Variants in GPRIN3 observed in about 807,000 individuals in gnomAD.
GPRIN3 encodes GPRIN family member 3, also known as G protein-regulated inducer of neurite outgrowth 3.
In GPRIN3, 12 loss-of-function variants were observed where a neutral mutation model predicts 13.7. The ratio of observed to expected loss-of-function variants is 0.87; its 90% CI spans 0.56 to 1.42. The LOEUF (loss-of-function observed/expected upper bound fraction) is 1.42. Among genes scored for constraint, GPRIN3 ranks in the 40% most tolerant of loss-of-function variants. GPRIN3 has a pLI of 0.00. For missense variants in GPRIN3, 1,009 were observed against 958.7 expected, an observed-to-expected ratio of 1.05 and a Z score of -0.69; for synonymous variants, 377 against 372.7, an observed-to-expected ratio of 1.01 and a Z score of -0.13.
At chr4:89,278,314 G>GC (rs1724150854) in intron 1 of GPRIN3, among the ~76,000 whole-genome samples, 1 of 152,148 alleles carries the variant, frequency 6.6e-6, no homozygotes, top group Non-Finnish European at 1.5e-5. Context: ...CCAAAATTCT[G>GC]TAAAAACATG....
Position 89,239,162 on chromosome 4 carries a change from A to G in GPRIN3, c.*8618T>C, listed in dbSNP as rs2149244874. On this transcript the variant is annotated 3_prime_UTR_variant, in exon 2 of 2. Transcript: ENST00000609438. ...TATAATGTAGACATTATAAAAAAAC[A>G]TAACTTTGGATTTTAATATTAATAC... is the stretch of plus-strand genomic sequence containing the variant. 1 of 152,284 alleles carries G rather than the reference A, an allele frequency of 6.6e-6. No homozygotes were observed. Among genetic ancestry groups the G allele is most frequent in the Non-Finnish European group, 1.5e-5 (1 of 67,990 alleles). 9.4% of individuals were successfully genotyped at this position (152,284 alleles called of 1,614,324 possible). A position where few individuals can be genotyped will look rare whatever the true frequency, so the allele number is the denominator to read the frequency against.
intron 1 of GPRIN3, among the ~76,000 whole-genome samples, chr4:89,304,077 T>C (rs1446075116): frequency 6.6e-6 from 1 of 152,164 alleles, no homozygotes; most frequent in Non-Finnish European, 1.5e-5. Context: ...GGTCCATCCA[T>C]CTTTTATAAA....
In GPRIN3 at chr4:89,249,290, G is replaced by A; in HGVS notation, c.821C>T (p.Pro274Leu). 6.2e-7 allele frequency: 1 copy of A among 1,614,124 alleles called. No individual in the cohort carries two copies. The highest frequency in any genetic ancestry group is 1.1e-5 in the South Asian group (1 of 91,076). Residue 274 changes from proline to leucine, a missense_variant, in exon 2 of 2, where the codon CCT becomes CTT. Physicochemically the swap from Pro to Leu is moderately conservative, Grantham distance 98 (BLOSUM62 -3). Coordinates refer to ENST00000609438, the MANE Select transcript of GPRIN3 (RefSeq NM_198281.3). ...CTCTGGACCTGGGGGACATGCCGAA[G>A]GTTCGCTAGTGAGGGGGGTTGGTTG... The part of the protein sequence containing the change: ...TPQPTPLTSE[P>L]SACPPGPEKV...
chr4:89,272,130 T>C (rs1009931413), intron 1 of GPRIN3, among the ~76,000 whole-genome samples: 2 of 152,198 alleles, frequency 1.3e-5, no homozygotes, highest in African/African-American at 4.8e-5. Context: ...TTGTAAGCTA[T>C]GCAGTCTGTG....
chr4:89,259,824 C>T (rs1293951781), intron 1 of GPRIN3, among the ~76,000 whole-genome samples: 4 of 152,182 alleles, frequency 2.6e-5, no homozygotes, highest in African/African-American at 9.7e-5. Context: ...CCCTGCTATG[C>T]CATAATAGGC....
rs767364379 is a variant in GPRIN3 at position 89,247,916 on chromosome 4, C to A, written c.2195G>T (p.Arg732Leu). ...KLIKTQNSQT[R>L]RSISSDTSSN... The stretch of plus-strand genomic sequence containing the variant: ...AGAAGTATCTGAGGAAATGGATCTC[C>A]GGGTCTGGCTATTTTGAGTTTTGAT... Residue 732 changes from arginine to leucine, a missense_variant, in exon 2 of 2, where the codon CGG (arginine) becomes CTG (leucine). Physicochemically the swap from Arg to Leu is moderately radical, Grantham distance 102 (BLOSUM62 -2). Transcript: ENST00000609438. 13 of 1,614,028 alleles carry A rather than the reference C, an allele frequency of 8.1e-6. No individual in the cohort carries two copies. Among genetic ancestry groups the A allele is most frequent in the Non-Finnish European group, 9.3e-6 (11 of 1,180,032 alleles).
intron 1 of GPRIN3, among the ~76,000 whole-genome samples, chr4:89,256,434 A>G (rs1723467542): frequency 6.6e-6 from 1 of 152,274 alleles, no homozygotes; most frequent in African/African-American, 2.4e-5. Context: ...CATGCTGCCT[A>G]TTTTCATAAC....
chr4:89,271,690 G>C (rs371543337), intron 1 of GPRIN3, among the ~76,000 whole-genome samples: 48 of 152,100 alleles, frequency 3.2e-4, no homozygotes, highest in African/African-American at 1.1e-3. Flanking sequence ...GGCTGTATTG[G>C]GGGTAGTGGA....
At chr4:89,265,659 C>CA (rs1723760740) in intron 1 of GPRIN3, among the ~76,000 whole-genome samples, 1 of 152,076 alleles carries the variant, frequency 6.6e-6, no homozygotes, top group South Asian at 2.1e-4. Flanking sequence ...GTTTCCCTTC[C>CA]AAAAAATTTC....
At chr4:89,277,447 G>A (rs975669593) in intron 1 of GPRIN3, among the ~76,000 whole-genome samples, 3 of 152,128 alleles carry the variant, frequency 2.0e-5, no homozygotes, top group East Asian at 1.9e-4. Context: ...GCTGACCCTC[G>A]TTCCGCCCAC....
chr4:89,293,945 A>T (rs1389866924), intron 1 of GPRIN3, among the ~76,000 whole-genome samples: 1 of 152,174 alleles, frequency 6.6e-6, no homozygotes, highest in Non-Finnish European at 1.5e-5. Flanking sequence ...TTTCTTTTTT[A>T]AAATTTATGA....
intron 1 of GPRIN3, among the ~76,000 whole-genome samples, chr4:89,267,856 C>T (rs1164635087): frequency 3.9e-5 from 6 of 152,124 alleles, no homozygotes; most frequent in Admixed American, 2.6e-4. Context: ...TCCACTTATT[C>T]GGGAAAGGGT....
rs930481585 is a variant in GPRIN3 at position 89,243,617 on chromosome 4, T to A, written c.*4163A>T. 7 of 152,094 alleles carry A rather than the reference T, an allele frequency of 4.6e-5. No homozygotes were observed. The highest frequency in any genetic ancestry group is 1.4e-4 in the African/African-American group (6 of 41,388). 9.4% of individuals were successfully genotyped at this position (152,094 alleles called of 1,614,324 possible). On this transcript the variant is annotated 3_prime_UTR_variant, in exon 2 of 2. Coordinates refer to ENST00000609438, the MANE Select transcript of GPRIN3 (RefSeq NM_198281.3). Reference sequence around the variant, plus strand: ...CTCACTTATGCAAGATACTGCTGAGTTCACTGTTCTACCACAAAGGGAAAT... The same window carrying A: ...CTCACTTATGCAAGATACTGCTGAGATCACTGTTCTACCACAAAGGGAAAT...
chr4:89,240,876 T>C lies in GPRIN3; in HGVS notation c.*6904A>G, dbSNP rs982043096. 1.3e-5 allele frequency: 2 copies of C among 152,250 alleles called. No homozygotes were observed. Among genetic ancestry groups the C allele is most frequent in the African/African-American group, 4.8e-5 (2 of 41,472 alleles). The allele number at this position is 152,250 out of a possible 1,614,324, so 9.4% of individuals were successfully genotyped here. Reference sequence around the variant, plus strand: ...TGTGGATAAGCTATTTACATTTTTATGTGTAGAAAATGAAAAATATATATT... The same window carrying C: ...TGTGGATAAGCTATTTACATTTTTACGTGTAGAAAATGAAAAATATATATT... On this transcript the variant is annotated 3_prime_UTR_variant, in exon 2 of 2. Transcript: ENST00000609438.
chr4:89,271,181 C>T (rs896635795), intron 1 of GPRIN3, among the ~76,000 whole-genome samples: 7 of 152,072 alleles, frequency 4.6e-5, no homozygotes, highest in African/African-American at 1.7e-4. Flanking sequence ...TCACAATAAT[C>T]CTAGGAGGTA....
chr4:89,292,032 T>C lies in GPRIN3; in HGVS notation c.-124+15583A>G, dbSNP rs1724585449. ...TTTGTGGGTAAGGAAAAACTCTTAG[T>C]CATCTTTGTGTACATGAAGCTCTGC... On this transcript the variant is annotated intron_variant, in intron 1 of 1. Transcript: ENST00000609438. Among the ~76,000 whole-genome samples, 3 of 152,152 alleles carry C rather than the reference T, an allele frequency of 2.0e-5. No homozygotes were observed. In the South Asian group the frequency reaches 6.2e-4, roughly 31 times the overall value.
Position 89,248,267 on chromosome 4 carries a change from G to C in GPRIN3, c.1844C>G (p.Ser615Cys). The C allele has an allele frequency of 6.2e-7, 1 of 1,614,206 alleles. No homozygotes were observed. ...GGTCTTCTTGCCAGAACCTGGGCTG[G>C]AGTCACCCATGGGATCAGATGGCAG... Reference protein sequence around the residue: ...LSLPSDPMGDSSPGSGKKTPS... With the variant: ...LSLPSDPMGDCSPGSGKKTPS... Residue 615 changes from serine (S) to cysteine (C), a missense_variant, in exon 2 of 2, where the codon TCC becomes TGC. By Grantham distance (112) the Ser-to-Cys change is moderately radical. Coordinates refer to ENST00000609438, the MANE Select transcript of GPRIN3 (RefSeq NM_198281.3).
intron 1 of GPRIN3, among the ~76,000 whole-genome samples, chr4:89,274,875 C>A (rs1327943654): frequency 6.6e-6 from 1 of 152,120 alleles, no homozygotes. Flanking sequence ...GTGTTGCCTG[C>A]CTTCCTGATA....
At chr4:89,269,795 T>C (rs1723878082) in intron 1 of GPRIN3, among the ~76,000 whole-genome samples, 1 of 152,186 alleles carries the variant, frequency 6.6e-6, no homozygotes, top group South Asian at 2.1e-4. Context: ...TCTTGCTATG[T>C]GGTTTGAGCA....
Sources: allele counts gnomAD v4.1 joint callset (sites outside exome capture counted in the v4.1 genomes callset), GRCh38; gene constraint gnomAD v4.1.1; transcripts MANE v1.5; gene names NCBI Gene and HGNC (gene_info 2026-07-23, HGNC 2026-07-21).